The following PCDHGA3 variants were observed in gnomAD, a reference collection of about 807,000 sequenced individuals.
PCDHGA3 encodes protocadherin gamma subfamily A, 3.
PCDHGA3 carries 40 observed loss-of-function variants against 58.5 expected under a neutral mutation model. The ratio of observed to expected loss-of-function variants is 0.68; its 90% CI spans 0.53 to 0.89. The LOEUF is 0.89. Ranked by LOEUF, PCDHGA3 falls within the 40% of genes least tolerant of loss-of-function variation. PCDHGA3 has a pLI of 0.00. For synonymous variants in PCDHGA3, 530 were observed against 525.7 expected (o/e 1.01, Z -0.11); for missense variants, 1,223 against 1,195.9 (o/e 1.02, Z -0.33).
At chr5:141,469,104 C>G (rs1046234848) in intron 1 of PCDHGA3, among the ~76,000 whole-genome samples, 3 of 151,760 alleles carry the variant, frequency 2.0e-5, no homozygotes, top group Middle Eastern at 3.2e-3. Flanking sequence ...AAGCAAGAAC[C>G]TGTCTCTAAA....
chr5:141,394,060 C>G, intron 1 of PCDHGA3: 8 of 1,613,780 alleles, frequency 5.0e-6, no homozygotes, highest in Non-Finnish European at 5.9e-6. Context: ...GAAAATGTCT[C>G]TATCTACAAT....
At chr5:141,392,744 CG>C (rs2092583694) in intron 1 of PCDHGA3, 1 of 1,439,038 alleles carries the variant, frequency 6.9e-7, no homozygotes, top group East Asian at 2.5e-5. Context: ...TCCATAGCTG[CG>C]GCAAGAAACT....
Position 141,430,800 on chromosome 5 carries a change from T to C in PCDHGA3, c.2425-64007T>C, listed in dbSNP as rs770490590. 2.6e-6 allele frequency: 4 copies of C among 1,524,818 alleles called. No homozygotes were observed. In the South Asian group the frequency reaches 5.3e-5, roughly 20 times the overall value. 94.5% of individuals were successfully genotyped at this position (1,524,818 alleles called of 1,614,324 possible). A position where few individuals can be genotyped will look rare whatever the true frequency, so the allele number is the denominator to read the frequency against. ...CTGCACCGGGACTACAAAGGGCTTG[T>C]CCTGCTGGGAATCCTCCTGGGGACT... is the stretch of plus-strand genomic sequence containing the variant. On this transcript the variant is annotated intron_variant, in intron 1 of 3. Transcript: ENST00000253812.
chr5:141,381,851 C>G (rs1252869923), intron 1 of PCDHGA3, among the ~76,000 whole-genome samples: 3 of 33,340 alleles, frequency 9.0e-5, no homozygotes, highest in Non-Finnish European at 1.6e-4. Context: ...TTTTTTTTGG[C>G]AGAGTTTTGC....
Position 141,476,591 on chromosome 5 carries a change from G to T in PCDHGA3, c.2425-18216G>T, listed in dbSNP as rs200254399. The T allele has an allele frequency of 6.2e-7, 1 of 1,614,230 alleles. No homozygotes were observed. The highest frequency in any genetic ancestry group is 8.5e-7 in the Non-Finnish European group (1 of 1,180,046). On this transcript the variant is annotated intron_variant, in intron 1 of 3. Transcript: ENST00000253812. The surrounding 1 kb of genome is among the most constrained non-coding windows in gnomAD (Gnocchi z 7.6). The stretch of plus-strand genomic sequence containing the variant: ...GGGGACGCGCTTTCCGCTCGAGAGC[G>T]CGCACGATCCCGATGTGGGAAGCAA...
chr5:141,395,119 T>C, intron 1 of PCDHGA3: 1 of 1,614,182 alleles, frequency 6.2e-7, no homozygotes. Flanking sequence ...AGTCACCTGA[T>C]CTTTCCCCAG....
chr5:141,362,791 C>A (rs1561527950), intron 1 of PCDHGA3, among the ~76,000 whole-genome samples: 2 of 152,318 alleles, frequency 1.3e-5, no homozygotes, highest in East Asian at 3.9e-4. Flanking sequence ...TCTTTTTCTT[C>A]CTCATCTTTA....
In PCDHGA3 at chr5:141,432,476, A is replaced by C; in HGVS notation, c.2425-62331A>C. 6.2e-7 allele frequency: 1 copy of C among 1,614,080 alleles called. No homozygotes were observed. The highest frequency in any genetic ancestry group is 8.5e-7 in the Non-Finnish European group (1 of 1,180,012). Reference sequence around the variant, plus strand: ...CCCCGCCCTCCCCACGGACGGTTCCACTGGCGTGGAGCTGGCTCCCCGCTC... The same window carrying C: ...CCCCGCCCTCCCCACGGACGGTTCCCCTGGCGTGGAGCTGGCTCCCCGCTC... On this transcript the variant is annotated intron_variant, in intron 1 of 3. Transcript: ENST00000253812. The surrounding 1 kb of genome is among the most constrained non-coding windows in gnomAD (Gnocchi z 6.0).
At chr5:141,494,522 G>C (rs2099754911) in intron 1 of PCDHGA3, among the ~76,000 whole-genome samples, 1 of 152,196 alleles carries the variant, frequency 6.6e-6, no homozygotes, top group Non-Finnish European at 1.5e-5. Flanking sequence ...CAGGAGTTCT[G>C]ACTCTGGGGG....
intron 1 of PCDHGA3, chr5:141,404,430 A>G (rs917902438): frequency 6.2e-7 from 1 of 1,613,298 alleles, no homozygotes; most frequent in African/African-American, 1.3e-5. Context: ...TCCTTGGCAG[A>G]GGATACCATC....
At chr5:141,408,148 G>C in intron 1 of PCDHGA3, 2 of 1,504,962 alleles carry the variant, frequency 1.3e-6, no homozygotes, top group Non-Finnish European at 1.8e-6. Context: ...TAGCGCGGTA[G>C]AGTGCACTTT....
intron 1 of PCDHGA3, chr5:141,352,052 G>A: frequency 6.2e-7 from 1 of 1,607,078 alleles, no homozygotes; most frequent in Non-Finnish European, 8.5e-7. Flanking sequence ...AGGACACAAC[G>A]CTTGGCTGTC....
At position 141,477,924 on chromosome 5, in the gene PCDHGA3, A is replaced by G; in HGVS notation, c.2425-16883A>G. 1 of 1,614,140 alleles carries G rather than the reference A, an allele frequency of 6.2e-7. No homozygotes were observed. On this transcript the variant is annotated intron_variant, in intron 1 of 3. Transcript: ENST00000253812. The surrounding 1 kb of genome is among the most constrained non-coding windows in gnomAD (Gnocchi z 4.9). ...GGCTGGGACGCGGATGCAGGGCACA[A>G]TGCCTGGCTCTCCTACAGTCTCTTG...
Position 141,432,548 on chromosome 5 carries a change from G to T in PCDHGA3, c.2425-62259G>T, listed in dbSNP as rs1251651638. On this transcript the variant is annotated intron_variant, in intron 1 of 3. Coordinates refer to ENST00000253812, the MANE Select transcript of PCDHGA3 (RefSeq NM_018916.4). The surrounding 1 kb of genome is among the most constrained non-coding windows in gnomAD (Gnocchi z 6.0). ...GACCAAGGTGGTGGCGGTGGACAGA[G>T]ACTCCGGCCAGAACGCCTGGCTGTC... 1.9e-6 allele frequency: 3 copies of T among 1,613,998 alleles called. No homozygotes were observed. The South Asian group carries it at 3.3e-5, about 18-fold the overall frequency.
chr5:141,455,283 C>G (rs1225185590), intron 1 of PCDHGA3, among the ~76,000 whole-genome samples: 1 of 152,000 alleles, frequency 6.6e-6, no homozygotes, highest in East Asian at 1.9e-4. Context: ...ATTAACATCA[C>G]TTTACATAGT....
rs909444391 is a variant in PCDHGA3 at position 141,450,834 on chromosome 5, T to A, written c.2425-43973T>A. On this transcript the variant is annotated intron_variant, in intron 1 of 3. Transcript: ENST00000253812. ...TATTTAATATTATTATTATTATTTT[T>A]TTTTTTTTGAGATGGGGTCTTGCTC... is the stretch of plus-strand genomic sequence containing the variant. 1.2e-3 allele frequency among the ~76,000 whole-genome samples: 172 copies of A among 148,764 alleles called. 3 individuals are homozygous for A. The highest frequency in any genetic ancestry group is 4.1e-3 in the African/African-American group (166 of 40,236).
intron 1 of PCDHGA3, among the ~76,000 whole-genome samples, chr5:141,363,263 C>G (rs933065042): frequency 5.9e-5 from 9 of 152,160 alleles, no homozygotes; most frequent in African/African-American, 2.2e-4. Flanking sequence ...TTACTTAAAA[C>G]TTTGCTTTTG....
chr5:141,428,632 G>A (rs574049916), intron 1 of PCDHGA3: 35 of 182,522 alleles, frequency 1.9e-4, no homozygotes, highest in African/African-American at 7.6e-4. Context: ...CTCTAACTCT[G>A]TTGCTCCTAC....
chr5:141,485,865 C>A lies in PCDHGA3; in HGVS notation c.2425-8942C>A. ...TCTGGCACCGCAGAGCTCCGGGTAT[C>A]CGTGCTGGACGTAAACGACAACGCC... On this transcript the variant is annotated intron_variant, in intron 1 of 3. Transcript: ENST00000253812. The surrounding 1 kb of genome is among the most constrained non-coding windows in gnomAD (Gnocchi z 5.7). 1 of 1,614,182 alleles carries A rather than the reference C, an allele frequency of 6.2e-7. No homozygotes were observed. The highest frequency in any genetic ancestry group is 8.5e-7 in the Non-Finnish European group (1 of 1,180,034).
Sources: allele counts gnomAD v4.1 joint callset (sites outside exome capture counted in the v4.1 genomes callset), GRCh38; gene constraint gnomAD v4.1.1; non-coding constraint Gnocchi (gnomAD v3.1); transcripts MANE v1.5; gene names NCBI Gene and HGNC (gene_info 2026-07-23, HGNC 2026-07-21).